The following MTR variants were observed in gnomAD, a reference collection of about 807,000 sequenced individuals.
MTR encodes the protein methionine synthase.
MTR carries 84 observed loss-of-function variants against 154.8 expected under a neutral mutation model. The ratio of observed to expected loss-of-function variants is 0.54; its 90% CI spans 0.45 to 0.65. The LOEUF (loss-of-function observed/expected upper bound fraction) is 0.65, where lower values mean the gene tolerates loss of function less well. MTR is among the 30% of genes least tolerant of loss of function. MTR has a pLI of 0.00. For synonymous variants in MTR, 554 were observed against 553.9 expected, an observed-to-expected ratio of 1.00 and a Z score of 0.00; for missense variants, 1,275 against 1,570.2, an observed-to-expected ratio of 0.81 and a Z score of 3.18.
intron 29 of MTR, among the ~76,000 whole-genome samples, chr1:236,891,914 G>A (rs1245744744): frequency 6.9e-6 from 1 of 144,274 alleles, no homozygotes; most frequent in Admixed American, 6.9e-5. Context: ...AGAGAGGAGA[G>A]CCCAGCCTGT....
chr1:236,826,308 T>C (rs6660700), intron 10 of MTR, among the ~76,000 whole-genome samples: 39,645 of 152,068 alleles, frequency 0.26, 5,743 homozygotes, highest in African/African-American at 0.38. Flanking sequence ...TTTGTGTTTA[T>C]TTTTTTGAGA....
rs1341499412 is a variant in MTR, at chr1:236,899,341, C to T, written c.*1697C>T. The T allele has an allele frequency of 1.3e-5, 2 of 152,040 alleles. No individual in the cohort carries two copies. Among genetic ancestry groups the T allele is most frequent in the Non-Finnish European group, 2.9e-5 (2 of 68,024 alleles). 9.4% of individuals were successfully genotyped at this position (152,040 alleles called of 1,614,324 possible). On this transcript the variant is annotated 3_prime_UTR_variant, in exon 33 of 33. Coordinates refer to ENST00000366577, the MANE Select transcript of MTR (RefSeq NM_000254.3). ...GAGGTAGGCATTCTGAGCAGGGGAACAAAATAAGGGCCTAGAAACTCACCC... is the reference window on the plus strand; with the variant it reads ...GAGGTAGGCATTCTGAGCAGGGGAATAAAATAAGGGCCTAGAAACTCACCC...
chr1:236,841,893 C>CTT (rs1178746827), intron 15 of MTR, among the ~76,000 whole-genome samples: 38 of 139,902 alleles, frequency 2.7e-4, no homozygotes, highest in Non-Finnish European at 2.0e-4. Flanking sequence ...TATTCTAACT[C>CTT]TTTTTTTTTT....
chr1:236,824,025 A>G (rs12143889), intron 8 of MTR, 94 bp from the exon 9 acceptor site: 9 of 1,050,294 alleles, frequency 8.6e-6, no homozygotes, highest in Non-Finnish European at 1.3e-5. Context: ...TTTATTATCC[A>G]CTTGGTTTTA....
At position 236,894,544 on chromosome 1, in the gene MTR, A is replaced by T; in HGVS notation, c.3392A>T (p.Asp1131Val). 6.2e-7 allele frequency: 1 copy of T among 1,614,024 alleles called. No homozygotes were observed. The highest frequency in any genetic ancestry group is 8.5e-7 in the Non-Finnish European group (1 of 1,180,008). The change falls in exon 30 of 33, where the codon GAC becomes GTC. Residue 1131 changes from aspartate to valine, a missense_variant. Transcript: ENST00000366577. ...YSSIMVKALG[D>V]RLAEAFAEEL... is the part of the protein sequence containing the mutation. ...AGCATCATGGTCAAGGCGCTGGGGG[A>T]CCGGCTGGCAGAGGTAAGGCAGAGG... is the stretch of plus-strand genomic sequence containing the variant.
At position 236,885,202 on chromosome 1, in the gene MTR, C is replaced by T. The variant is rs121913579; in HGVS notation, c.2758C>T (p.His920Tyr). 1 of 1,587,338 alleles carries T rather than the reference C, an allele frequency of 6.3e-7. No homozygotes were observed. Reference protein sequence around the residue: ...MEEYEDIRQDHYESLKERRYL... With the variant: ...MEEYEDIRQDYYESLKERRYL... ...AGAATATGAAGATATTAGACAGGACCATTATGAGTCTCTCAAGGTAAGTGG... is the reference window on the plus strand; with the variant it reads ...AGAATATGAAGATATTAGACAGGACTATTATGAGTCTCTCAAGGTAAGTGG... The change falls in exon 26 of 33, where the codon CAT (histidine) becomes TAT (tyrosine). Residue 920 changes from histidine (H) to tyrosine (Y), a missense_variant. By Grantham distance (83) the His-to-Tyr change is moderately conservative. Coordinates refer to ENST00000366577, the MANE Select transcript of MTR (RefSeq NM_000254.3).
intron 21 of MTR, 97 bp downstream of exon 21, chr1:236,862,440 C>T (rs1403809694): frequency 3.2e-5 from 30 of 929,708 alleles, no homozygotes; most frequent in Admixed American, 8.9e-5. Flanking sequence ...TGGCTGTGTT[C>T]GTTATTGAGG....
At position 236,897,718 on chromosome 1, in the gene MTR, A is replaced by G. The variant is rs964276032; in HGVS notation, c.*74A>G. ...TACAACCTAGGGTGCCTTAAAAATA[A>G]CAACAACAAAAAACCTGTGTGCATC... On this transcript the variant is annotated 3_prime_UTR_variant, in exon 33 of 33. Coordinates refer to ENST00000366577, the MANE Select transcript of MTR (RefSeq NM_000254.3). 4 of 1,337,706 alleles carry G rather than the reference A, an allele frequency of 3.0e-6. No homozygotes were observed. In the African/African-American group the frequency reaches 5.8e-5, roughly 19 times the overall value. 82.9% of individuals were successfully genotyped at this position (1,337,706 alleles called of 1,614,324 possible).
intron 24 of MTR, among the ~76,000 whole-genome samples, chr1:236,877,021 A>G (rs1665472245): frequency 6.6e-6 from 1 of 152,188 alleles, no homozygotes; most frequent in Non-Finnish European, 1.5e-5. Context: ...TGCCTGTTGC[A>G]GTTTCTGGGA....
chr1:236,838,872 G>A (rs1663062814), intron 15 of MTR, among the ~76,000 whole-genome samples: 1 of 152,150 alleles, frequency 6.6e-6, no homozygotes, highest in Admixed American at 6.5e-5. Flanking sequence ...AGATGGGATA[G>A]CCTACTACAC....
chr1:236,881,876 C>A (rs905841839), intron 25 of MTR, among the ~76,000 whole-genome samples: 2 of 151,762 alleles, frequency 1.3e-5, no homozygotes, highest in Admixed American at 1.3e-4. Context: ...TTTTTTGGTC[C>A]CCATTTTAGA....
chr1:236,868,213 A>G (rs1664926022), intron 22 of MTR, among the ~76,000 whole-genome samples: 1 of 152,196 alleles, frequency 6.6e-6, no homozygotes, highest in African/African-American at 2.4e-5. Flanking sequence ...CATGAACATC[A>G]AGTCAAGACC....
intron 27 of MTR, among the ~76,000 whole-genome samples, chr1:236,888,830 C>T (rs1666161159): frequency 6.6e-6 from 1 of 152,088 alleles, no homozygotes; most frequent in South Asian, 2.1e-4. Context: ...TGGACATGTT[C>T]TTCATGTTCT....
Position 236,832,031 on chromosome 1 carries a change from G to T in MTR, c.1141G>T (p.Ala381Ser). 2.5e-6 allele frequency: 4 copies of T among 1,614,126 alleles called. No homozygotes were observed. The highest frequency in any genetic ancestry group is 4.5e-5 in the East Asian group (2 of 44,884). ...TAACATTGGAGAGCGCTGTAATGTTGCAGGATCAAGGAAGTTTGCTAAACT... is the reference window on the plus strand; with the variant it reads ...TAACATTGGAGAGCGCTGTAATGTTTCAGGATCAAGGAAGTTTGCTAAACT... ...FVNIGERCNV[A>S]GSRKFAKLIM... Residue 381 changes from alanine (A) to serine (S), a missense_variant, in exon 13 of 33, where the codon GCA becomes TCA. Coordinates refer to ENST00000366577, the MANE Select transcript of MTR (RefSeq NM_000254.3).
intron 18 of MTR, among the ~76,000 whole-genome samples, chr1:236,858,659 G>C (rs1664344613): frequency 6.6e-6 from 1 of 152,126 alleles, no homozygotes; most frequent in African/African-American, 2.4e-5. Flanking sequence ...CTTAGTTCTT[G>C]GGCTGTGAAA....
chr1:236,893,539 G>C (rs1163820732), intron 29 of MTR, among the ~76,000 whole-genome samples: 1 of 152,212 alleles, frequency 6.6e-6, no homozygotes, highest in East Asian at 1.9e-4. Flanking sequence ...TATGTCACAA[G>C]GTGGTTGAGA....
At chr1:236,795,942 C>T (rs1034583574) in intron 1 of MTR, among the ~76,000 whole-genome samples, 10 of 152,244 alleles carry the variant, frequency 6.6e-5, no homozygotes, top group African/African-American at 2.2e-4. Context: ...ACCTCTTTCT[C>T]CCCAGGCAAG....
chr1:236,844,276 G>A (rs773302633), intron 15 of MTR, among the ~76,000 whole-genome samples: 1 of 152,148 alleles, frequency 6.6e-6, no homozygotes, highest in Non-Finnish European at 1.5e-5. Flanking sequence ...TAGAAATGGG[G>A]TCATTTGTGA....
At chr1:236,797,826 T>C (rs1660479491) in intron 1 of MTR, among the ~76,000 whole-genome samples, 1 of 151,750 alleles carries the variant, frequency 6.6e-6, no homozygotes, top group African/African-American at 2.4e-5. Flanking sequence ...GGGTTTATAG[T>C]GAGCGCCTAT....
Sources: allele counts gnomAD v4.1 joint callset (sites outside exome capture counted in the v4.1 genomes callset), GRCh38; gene constraint gnomAD v4.1.1; transcripts MANE v1.5; gene names NCBI Gene and HGNC (gene_info 2026-07-23, HGNC 2026-07-21).